The following SACS variants were observed in gnomAD, a reference collection of about 807,000 sequenced individuals.
SACS encodes the protein sacsin.
In SACS, 197 loss-of-function variants were observed where a neutral mutation model predicts 348.0. The ratio of observed to expected loss-of-function variants is 0.57; its 90% CI spans 0.50 to 0.64. The LOEUF is 0.64. SACS is among the 30% of genes least tolerant of loss of function. SACS has a pLI of 0.00. For synonymous variants in SACS, 1,985 were observed against 1,910.6 expected (o/e 1.04, Z -1.02); for missense variants, 4,999 against 5,360.8 (o/e 0.93, Z 2.11).
Position 23,371,162 on chromosome 13 carries a change from A to T in SACS, c.175T>A (p.Ser59Thr), listed in dbSNP as rs539836931. 1.3e-5 allele frequency: 21 copies of T among 1,604,652 alleles called. No homozygotes were observed. The African/African-American group carries it at 2.3e-4, about 17-fold the overall frequency. Residue 59 changes from serine to threonine, a missense_variant, in exon 4 of 10, where the codon TCT becomes ACT. Transcript: ENST00000382292. ...QRLWRGGREL[S>T]DWIKIGDLTS... ...AGATCTCCAATCTTGATCCAGTCAG[A>T]TAACTGAAAAAAAGCAAAAGAAAAT... is the stretch of plus-strand genomic sequence containing the variant.
chr13:23,332,265 G>A lies in SACS; in HGVS notation c.11611C>T (p.Pro3871Ser). 1 of 1,613,888 alleles carries A rather than the reference G, an allele frequency of 6.2e-7. No homozygotes were observed. Among genetic ancestry groups the A allele is most frequent in the South Asian group, 1.1e-5 (1 of 91,074 alleles). ...FKNSEGKQLDPNEMRTVKRVV... is the reference protein window; with the variant it reads ...FKNSEGKQLDSNEMRTVKRVV... ...CTCTTAACTGTACGCATTTCATTAG[G>A]ATCTAATTGTTTGCCCTCAGAATTT... The change falls in exon 10 of 10, where the codon CCT (proline) becomes TCT (serine). Residue 3871 changes from proline (P) to serine (S), a missense_variant. Pro to Ser is a moderately conservative substitution (Grantham distance 74). This residue lies in a region of SACS where 831 missense variants were observed against 941.8 expected (regional missense o/e 0.88). Coordinates refer to ENST00000382292, the MANE Select transcript of SACS (RefSeq NM_014363.6).
chr13:23,432,302 TAAAGGAAA>T (rs776407623), intron 1 of SACS, among the ~76,000 whole-genome samples: 7 of 152,184 alleles, frequency 4.6e-5, no homozygotes, highest in Non-Finnish European at 1.0e-4. Flanking sequence ...CAAGTAAGAT[TAAAGGAAA>T]ATAGGGTATG....
At position 23,335,920 on chromosome 13, in the gene SACS, G is replaced by A. The variant is rs770854600; in HGVS notation, c.7956C>T (p.Ala2652=). 1 of 1,612,714 alleles carries A rather than the reference G, an allele frequency of 6.2e-7. No individual in the cohort carries two copies. Among genetic ancestry groups the A allele is most frequent in the Non-Finnish European group, 8.5e-7 (1 of 1,178,910 alleles). The change falls in exon 10 of 10, where the codon GCC becomes GCT. Residue 2652 remains alanine, a synonymous_variant. Transcript: ENST00000382292. The surrounding 1 kb of genome is among the most constrained non-coding windows in gnomAD (Gnocchi z 4.7). ...NDILCIFDPH[A]RYAPGATSIS... ...TGGATGTGGCCCCTGGTGCATATCT[G>A]GCATGAGGATCAAAAATACACAGGA...
chr13:23,334,810 T>C lies in SACS; in HGVS notation c.9066A>G (p.Lys3022=). 1.2e-6 allele frequency: 2 copies of C among 1,613,872 alleles called. No homozygotes were observed. The highest frequency in any genetic ancestry group is 1.7e-6 in the Non-Finnish European group (2 of 1,179,844). Residue 3022 remains lysine (K), a synonymous_variant, in exon 10 of 10, where the codon AAA becomes AAG. Transcript: ENST00000382292. The part of the protein sequence containing the change: ...ITWINMSTSN[K]TRPFFDNLLQ... ...GTAAATTGTCAAAAAATGGTCTAGT[T>C]TTATTAGAAGTAGACATATTGATCC...
At chr13:23,409,082 T>A (rs1873371391) in intron 2 of SACS, among the ~76,000 whole-genome samples, 1 of 110,204 alleles carries the variant, frequency 9.1e-6, no homozygotes, top group Non-Finnish European at 1.8e-5. Flanking sequence ...AGACGGAGTC[T>A]TCCTGTGTGG....
In SACS at chr13:23,362,746, C is replaced by T. The variant is rs948426594; in HGVS notation, c.457+2420G>A. On this transcript the variant is annotated intron_variant, in intron 6 of 9. Coordinates refer to ENST00000382292, the MANE Select transcript of SACS (RefSeq NM_014363.6). ...GATTACAGATATGCATCACCACGCA[C>T]GGCTAATTTTTGTATTTTTAGTAGA... Among the ~76,000 whole-genome samples the T allele has an allele frequency of 2.6e-5, 4 of 151,814 alleles. No individual in the cohort carries two copies. The South Asian group carries it at 8.3e-4, about 32-fold the overall frequency.
chr13:23,368,109 G>A (rs1361530647), intron 5 of SACS, among the ~76,000 whole-genome samples: 1 of 148,182 alleles, frequency 6.7e-6, no homozygotes, highest in Admixed American at 6.7e-5. Context: ...GTTGGTTGAC[G>A]TGTAAAGCCC....
At chr13:23,346,264 C>T (rs972027667) in intron 9 of SACS, among the ~76,000 whole-genome samples, 2 of 152,186 alleles carry the variant, frequency 1.3e-5, no homozygotes, top group African/African-American at 4.8e-5. Flanking sequence ...TCTGCCTCAG[C>T]CTCCCAAGTA....
At chr13:23,375,409 C>G in intron 2 of SACS, 140 bp from the exon 3 acceptor site, 1 of 1,226,608 alleles carries the variant, frequency 8.2e-7, no homozygotes, top group Non-Finnish European at 1.0e-6. Context: ...CGCCGGCGCC[C>G]GATCACGGCC....
intron 2 of SACS, among the ~76,000 whole-genome samples, chr13:23,408,040 C>G (rs1475420140): frequency 1.3e-5 from 2 of 152,134 alleles, no homozygotes; most frequent in Non-Finnish European, 2.9e-5. Context: ...ATCCCTCTCC[C>G]CTGTTGCAAT....
intron 2 of SACS, among the ~76,000 whole-genome samples, chr13:23,382,402 T>C (rs1055477540): frequency 2.0e-5 from 3 of 152,202 alleles, no homozygotes; most frequent in Non-Finnish European, 2.9e-5. Flanking sequence ...ATGATTACAA[T>C]TGAATTGAAG....
Position 23,332,887 on chromosome 13 carries a change from G to T in SACS, c.10989C>A (p.Phe3663Leu), listed in dbSNP as rs369637137. ...CTTGATATTGAGGATGAAATCTAAT[G>T]AATTCCGCGGGGGCCCGCTCAGGAC... ...FLCPERAPAE[F>L]IRFHPQYQEV... Residue 3663 changes from phenylalanine to leucine, a missense_variant, in exon 10 of 10, where the codon TTC becomes TTA. Phe to Leu is a conservative substitution (Grantham distance 22). Around this residue, in one of 6 missense-constraint regions of SACS, gnomAD observed 831 missense variants for 941.8 expected, o/e 0.88. Transcript: ENST00000382292. 2 of 1,613,786 alleles carry T rather than the reference G, an allele frequency of 1.2e-6. No homozygotes were observed. Among genetic ancestry groups the T allele is most frequent in the African/African-American group, 2.7e-5 (2 of 74,926 alleles).
rs1868678384 is a variant in SACS, at chr13:23,337,030, C to A, written c.6846G>T (p.Leu2282Phe). The change falls in exon 10 of 10, where the codon TTG becomes TTT. Residue 2282 changes from leucine (L) to phenylalanine (F), a missense_variant. Around this residue, in one of 6 missense-constraint regions of SACS, gnomAD observed 3,156 missense variants for 3,380.1 expected, o/e 0.93. Transcript: ENST00000382292. ...CAACTGTTGGCTTCTTGAGTAATCC[C>A]AAAAACTCTTTAACAGCCAATGACA... is the stretch of plus-strand genomic sequence containing the variant. ...GSVSLAVKEF[L>F]GLLKKPTVDL... 8 of 1,613,898 alleles carry A rather than the reference C, an allele frequency of 5.0e-6. No homozygotes were observed. Among genetic ancestry groups the A allele is most frequent in the Non-Finnish European group, 5.9e-6 (7 of 1,179,904 alleles).
chr13:23,376,030 A>T (rs1344001176), intron 2 of SACS, among the ~76,000 whole-genome samples: 4 of 151,910 alleles, frequency 2.6e-5, no homozygotes, highest in African/African-American at 9.7e-5. Flanking sequence ...AGTGTCTTCC[A>T]CGGTTTCGTT....
intron 2 of SACS, among the ~76,000 whole-genome samples, chr13:23,399,800 C>A (rs1329211329): frequency 3.9e-5 from 6 of 151,986 alleles, no homozygotes; most frequent in African/African-American, 7.3e-5. Flanking sequence ...GACATGCTAG[C>A]CCCTAGATAA....
chr13:23,433,180 T>C (rs1160523239), intron 1 of SACS, among the ~76,000 whole-genome samples: 10 of 152,178 alleles, frequency 6.6e-5, no homozygotes, highest in African/African-American at 2.4e-4. Context: ...TCCCATCTTA[T>C]TGTTCAATAA....
chr13:23,388,345 A>G (rs1177425393), intron 2 of SACS, among the ~76,000 whole-genome samples: 1 of 149,950 alleles, frequency 6.7e-6, no homozygotes, highest in African/African-American at 2.4e-5. Context: ...AAAAAAAAAA[A>G]AAAAGAAAAA....
intron 5 of SACS, among the ~76,000 whole-genome samples, chr13:23,366,791 T>C (rs1040461901): frequency 2.0e-5 from 3 of 152,196 alleles, no homozygotes; most frequent in Non-Finnish European, 4.4e-5. Context: ...AAACTAACTC[T>C]GGGAAACAGC....
chr13:23,383,358 T>G (rs958498554), intron 2 of SACS, among the ~76,000 whole-genome samples: 3 of 152,108 alleles, frequency 2.0e-5, no homozygotes, highest in African/African-American at 7.2e-5. Flanking sequence ...CCCCACATCC[T>G]TTCTCCTCCA....
Sources: gnomAD v4.1 joint callset for allele counts (sites outside exome capture counted in the v4.1 genomes callset) on GRCh38, gnomAD v4.1.1 for gene constraint, gnomAD v4.1.1 regional missense constraint, Gnocchi (gnomAD v3.1) non-coding constraint, MANE v1.5 for transcripts, NCBI Gene and HGNC (gene_info 2026-07-23, HGNC 2026-07-21) for gene names.